Variants in CTNNA3 observed in about 807,000 individuals in gnomAD.
CTNNA3 encodes catenin alpha-3.
In CTNNA3, 76 loss-of-function variants were observed where a neutral mutation model predicts 95.7. That is an observed-to-expected ratio of 0.79 (90% confidence interval 0.66 to 0.96). The LOEUF is 0.96. Ranked by LOEUF, CTNNA3 falls within the 40% of genes least tolerant of loss-of-function variation. The pLI, the probability that CTNNA3 is intolerant of heterozygous loss-of-function variation, is 0.00. For missense variants in CTNNA3, 1,191 were observed against 1,089.8 expected, an observed-to-expected ratio of 1.09 and a Z score of -1.31; for synonymous variants, 431 against 374.4, an observed-to-expected ratio of 1.15 and a Z score of -1.74.
At chr10:67,497,039 C>G (rs1034666055) in intron 5 of CTNNA3, among the ~76,000 whole-genome samples, 1 of 152,012 alleles carries the variant, frequency 6.6e-6, no homozygotes, top group Non-Finnish European at 1.5e-5. Flanking sequence ...CCCTTCAACC[C>G]GTCATCTACA....
intron 9 of CTNNA3, among the ~76,000 whole-genome samples, chr10:66,706,164 A>G (rs1387099639): frequency 6.6e-6 from 1 of 152,036 alleles, no homozygotes; most frequent in Non-Finnish European, 1.5e-5. Context: ...ACTGCCTACA[A>G]AAAACAATGG....
chr10:67,621,047 G>A (rs1394793186), intron 2 of CTNNA3, among the ~76,000 whole-genome samples: 1 of 151,320 alleles, frequency 6.6e-6, no homozygotes, highest in African/African-American at 2.4e-5. Flanking sequence ...GGACCAAGAG[G>A]CAGAACCATG....
intron 10 of CTNNA3, among the ~76,000 whole-genome samples, chr10:66,548,740 G>T (rs1842116531): frequency 6.6e-6 from 1 of 151,840 alleles, no homozygotes; most frequent in Admixed American, 6.6e-5. Context: ...ATTGATTTTT[G>T]AGTCTTACAG....
At chr10:66,149,133 A>G (rs774728837) in intron 13 of CTNNA3, among the ~76,000 whole-genome samples, 10 of 149,302 alleles carry the variant, frequency 6.7e-5, no homozygotes, top group East Asian at 1.9e-4. Flanking sequence ...GAATAAATGC[A>G]TATATATCTA....
chr10:66,367,599 T>C (rs1015402166), intron 12 of CTNNA3, among the ~76,000 whole-genome samples: 4 of 149,714 alleles, frequency 2.7e-5, no homozygotes, highest in African/African-American at 9.7e-5. Flanking sequence ...CACTAAAATC[T>C]GGTTTCTTAA....
intron 6 of CTNNA3, among the ~76,000 whole-genome samples, chr10:67,213,557 C>T (rs1042810266): frequency 2.0e-5 from 3 of 151,652 alleles, no homozygotes; most frequent in Non-Finnish European, 4.4e-5. Flanking sequence ...TTCTTCTTTC[C>T]TAATATAAGC....
At chr10:67,572,696 G>A (rs1338633232) in intron 3 of CTNNA3, among the ~76,000 whole-genome samples, 1 of 152,128 alleles carries the variant, frequency 6.6e-6, no homozygotes, top group East Asian at 1.9e-4. Flanking sequence ...CTGTTCTGAT[G>A]CTTGTTTCTG....
At chr10:66,256,243 T>C (rs2132085065) in intron 13 of CTNNA3, among the ~76,000 whole-genome samples, 1 of 152,218 alleles carries the variant, frequency 6.6e-6, no homozygotes, top group Non-Finnish European at 1.5e-5. Flanking sequence ...TATGCAAAAA[T>C]ATGCAAATTT....
intron 9 of CTNNA3, among the ~76,000 whole-genome samples, chr10:66,734,338 AGCCAAACT>A (rs1849061491): frequency 6.6e-6 from 1 of 152,090 alleles, no homozygotes; most frequent in South Asian, 2.1e-4. Context: ...TTATCACAGA[AGCCAAACT>A]TCCAGAACTA....
chr10:66,599,556 C>T (rs771184383), intron 10 of CTNNA3, among the ~76,000 whole-genome samples: 8 of 151,892 alleles, frequency 5.3e-5, no homozygotes, highest in Non-Finnish European at 1.0e-4. Flanking sequence ...CACAACAATA[C>T]ATTCTGAAAA....
At chr10:67,215,547 G>A (rs770954478) in intron 6 of CTNNA3, among the ~76,000 whole-genome samples, 209 of 152,186 alleles carry the variant, frequency 1.4e-3, no homozygotes, top group Admixed American at 3.9e-3. Context: ...ATTTTTGGAT[G>A]GGGTTTTAGA....
chr10:67,234,881 A>G (rs939501676), intron 5 of CTNNA3, among the ~76,000 whole-genome samples: 4 of 147,646 alleles, frequency 2.7e-5, no homozygotes, highest in Non-Finnish European at 5.9e-5. Flanking sequence ...AGACAAACAG[A>G]GAGCCAAATC....
chr10:66,064,144 C>T (rs1267758399), intron 15 of CTNNA3, among the ~76,000 whole-genome samples: 1 of 152,120 alleles, frequency 6.6e-6, no homozygotes, highest in Non-Finnish European at 1.5e-5. Flanking sequence ...ACCTTCTTTA[C>T]AAGGCGCAGG....
chr10:66,487,181 A>ATTTTTTTTTTTTTTTTT (rs60547696), intron 11 of CTNNA3, among the ~76,000 whole-genome samples: 1 of 45,946 alleles, frequency 2.2e-5, no homozygotes, highest in African/African-American at 9.0e-5. Context: ...AAAAGGGCAG[A>ATTTTTTTTTTTTTTTTT]TTTTTTTTTT....
intron 5 of CTNNA3, among the ~76,000 whole-genome samples, chr10:67,398,654 T>C (rs1018110158): frequency 2.6e-5 from 4 of 152,160 alleles, no homozygotes; most frequent in African/African-American, 7.2e-5. Context: ...ATGGTTTGGC[T>C]GTGTCCCTAC....
intron 9 of CTNNA3, among the ~76,000 whole-genome samples, chr10:66,765,539 T>C (rs1402756483): frequency 6.6e-6 from 1 of 152,158 alleles, no homozygotes; most frequent in Non-Finnish European, 1.5e-5. Flanking sequence ...TGCCACTGGT[T>C]TGTGGCCTTG....
intron 7 of CTNNA3, among the ~76,000 whole-genome samples, chr10:66,950,235 C>T (rs1015000944): frequency 3.3e-5 from 5 of 152,124 alleles, no homozygotes; most frequent in Non-Finnish European, 7.3e-5. Context: ...CCCCATTCAA[C>T]TCTAATTGTA....
intron 16 of CTNNA3, among the ~76,000 whole-genome samples, chr10:65,980,609 C>A (rs1384469033): frequency 6.6e-6 from 1 of 150,608 alleles, no homozygotes; most frequent in East Asian, 1.9e-4. Flanking sequence ...TTCTAGCTAA[C>A]TAAATTCAAC....
At chr10:66,527,308 C>A (rs1261755553) in intron 10 of CTNNA3, among the ~76,000 whole-genome samples, 1 of 152,022 alleles carries the variant, frequency 6.6e-6, no homozygotes, top group Non-Finnish European at 1.5e-5. Flanking sequence ...TTGATTATTG[C>A]AGTTTGTAAT....
Sources: allele counts gnomAD v4.1 joint callset (sites outside exome capture counted in the v4.1 genomes callset), GRCh38; gene constraint gnomAD v4.1.1; transcripts MANE v1.5; gene names NCBI Gene and HGNC (gene_info 2026-07-23, HGNC 2026-07-21).